The following PATJ variants were observed in gnomAD, a reference collection of about 807,000 sequenced individuals.
PATJ encodes PATJ crumbs cell polarity complex component, also known as inaD-like protein.
PATJ carries 190 observed loss-of-function variants against 224.9 expected under a neutral mutation model. The observed-to-expected ratio is 0.84, with a 90% CI of 0.75 to 0.95. PATJ has a LOEUF of 0.95. PATJ is among the 40% of genes least tolerant of loss of function. PATJ has a pLI of 0.00. For synonymous variants in PATJ, 769 were observed against 820.3 expected (o/e 0.94, Z 1.07); for missense variants, 2,121 against 2,270.3 (o/e 0.93, Z 1.34).
intron 21 of PATJ, among the ~76,000 whole-genome samples, chr1:61,883,078 A>G (rs146328486): frequency 4.1e-4 from 63 of 152,356 alleles, no homozygotes; most frequent in Middle Eastern, 3.4e-3. Flanking sequence ...ATGTTTCAAC[A>G]TATGATCTAT....
At chr1:62,054,294 T>A (rs545220619) in intron 31 of PATJ, 3 of 414,466 alleles carry the variant, frequency 7.2e-6, no homozygotes, top group South Asian at 5.4e-5. Flanking sequence ...ACCTGGGAGG[T>A]TGAGGTGGCA....
intron 33 of PATJ, among the ~76,000 whole-genome samples, chr1:62,104,048 T>C (rs1274449733): frequency 6.6e-6 from 1 of 151,844 alleles, no homozygotes; most frequent in African/African-American, 2.4e-5. Context: ...TTGGAATAGA[T>C]GAGTTTTAGA....
intron 11 of PATJ, among the ~76,000 whole-genome samples, chr1:61,797,907 A>G (rs1391912264): frequency 6.6e-6 from 1 of 150,620 alleles, no homozygotes; most frequent in African/African-American, 2.4e-5. Flanking sequence ...GGTTCAAGTG[A>G]TTCTCGTGCC....
At chr1:62,006,754 A>G (rs942174462) in intron 28 of PATJ, among the ~76,000 whole-genome samples, 5 of 152,194 alleles carry the variant, frequency 3.3e-5, no homozygotes, top group Admixed American at 2.6e-4. Context: ...TCAAAACACA[A>G]TGAAAATCCG....
At position 62,125,236 on chromosome 1, in the gene PATJ, C is replaced by CAAAAAAAAAAAAAAAAA. The variant is rs761278812; in HGVS notation, c.5043+2179_5043+2195dup. ...TGGGTGACAGAGTAAAACCCTGTCT[C>CAAAAAAAAAAAAAAAAA]AAAAAAAAAAAAAAAAACAAAAAAA... is the stretch of plus-strand genomic sequence containing the variant. On this transcript the variant is annotated intron_variant, in intron 39 of 43. Coordinates refer to ENST00000642238, the MANE Select transcript of PATJ (RefSeq NM_001350145.3). 4.7e-4 allele frequency among the ~76,000 whole-genome samples: 13 copies of CAAAAAAAAAAAAAAAAA among 27,742 alleles called. 2 individuals carry two copies. Among genetic ancestry groups the CAAAAAAAAAAAAAAAAA allele is most frequent in the East Asian group, 2.7e-3 (2 of 732 alleles). The allele number at this position is 27,742 out of a possible 152,430, so 18.2% of individuals were successfully genotyped here.
At chr1:61,747,953 C>T (rs575157881) in intron 1 of PATJ, among the ~76,000 whole-genome samples, 7 of 152,298 alleles carry the variant, frequency 4.6e-5, no homozygotes, top group South Asian at 2.1e-4. Flanking sequence ...CACTCTGTTG[C>T]GAAGGCTGGA....
chr1:61,814,268 C>T (rs1341180175), intron 14 of PATJ, among the ~76,000 whole-genome samples: 6 of 151,512 alleles, frequency 4.0e-5, no homozygotes, highest in South Asian at 2.1e-4. Flanking sequence ...CTCAGCCTCC[C>T]GAGTAGCTGG....
intron 33 of PATJ, among the ~76,000 whole-genome samples, chr1:62,093,957 C>A (rs1351334135): frequency 6.6e-6 from 1 of 152,098 alleles, no homozygotes; most frequent in Non-Finnish European, 1.5e-5. Flanking sequence ...AAATGCAAAA[C>A]CTTTTAATAT....
chr1:61,914,561 C>T (rs754279158), intron 25 of PATJ, 26 bp from the exon 26 acceptor site: 1 of 1,140,694 alleles, frequency 8.8e-7, no homozygotes, highest in Non-Finnish European at 1.3e-6. Context: ...GTTTTCTTCC[C>T]CCCACCCCTT....
intron 31 of PATJ, among the ~76,000 whole-genome samples, chr1:62,061,772 G>A (rs1169723533): frequency 6.6e-6 from 1 of 151,952 alleles, no homozygotes; most frequent in African/African-American, 2.4e-5. Context: ...CCATTCTCCT[G>A]CCTCAGCCTC....
At chr1:62,000,248 G>A (rs11578982) in intron 28 of PATJ, among the ~76,000 whole-genome samples, 30,431 of 145,402 alleles carry the variant, frequency 0.21, 3,627 homozygotes, top group African/African-American at 0.31. Context: ...TGCACAATGT[G>A]CAGGTTAGTT....
chr1:61,930,384 A>G (rs1675843965), intron 27 of PATJ, among the ~76,000 whole-genome samples: 1 of 152,198 alleles, frequency 6.6e-6, no homozygotes. Context: ...TGTCTAAACT[A>G]AAAGTATTTC....
intron 29 of PATJ, among the ~76,000 whole-genome samples, chr1:62,029,931 T>C (rs1024909960): frequency 6.6e-6 from 1 of 152,144 alleles, no homozygotes; most frequent in African/African-American, 2.4e-5. Context: ...CAAACATCCA[T>C]AGAGGGAACT....
chr1:61,821,821 A>G (rs1211604437), intron 14 of PATJ, among the ~76,000 whole-genome samples: 2 of 152,188 alleles, frequency 1.3e-5, no homozygotes, highest in Non-Finnish European at 2.9e-5. Context: ...TAAGGCCACA[A>G]TGAGAAATCT....
intron 28 of PATJ, among the ~76,000 whole-genome samples, chr1:62,006,718 T>C (rs570153494): frequency 6.6e-6 from 1 of 151,388 alleles, no homozygotes; most frequent in East Asian, 1.9e-4. Context: ...ACTACAGTAG[T>C]TGAAACCAGT....
At chr1:61,845,210 G>A (rs1305467607) in intron 17 of PATJ, among the ~76,000 whole-genome samples, 3 of 152,132 alleles carry the variant, frequency 2.0e-5, no homozygotes, top group African/African-American at 7.2e-5. Context: ...ACAACCTCCA[G>A]GCTGTAGGTC....
intron 31 of PATJ, among the ~76,000 whole-genome samples, chr1:62,055,077 G>A (rs1570359326): frequency 6.6e-6 from 1 of 152,080 alleles, no homozygotes; most frequent in East Asian, 1.9e-4. Context: ...AAAAATTTAA[G>A]TTTTTTTCTA....
rs1275742353 is a variant in PATJ at position 62,018,088 on chromosome 1, C to A, written c.3959+141C>A. ...TATATTCCTTTTGTAACTGTCACTT[C>A]AAGAAAAGTATTGATTGTTTTGATT... On this transcript the variant is annotated intron_variant, in intron 29 of 43. Transcript: ENST00000642238. This position sits in a 1 kb window ranked among gnomAD's most constrained non-coding sequence, Gnocchi z 4.2. The A allele has an allele frequency of 3.8e-6, 2 of 529,654 alleles. No homozygotes were observed. The highest frequency in any genetic ancestry group is 7.0e-6 in the Non-Finnish European group (2 of 286,564). 32.8% of individuals were successfully genotyped at this position (529,654 alleles called of 1,614,324 possible).
intron 30 of PATJ, among the ~76,000 whole-genome samples, chr1:62,047,534 G>A (rs1339933882): frequency 1.3e-5 from 2 of 152,156 alleles, no homozygotes; most frequent in Non-Finnish European, 2.9e-5. Context: ...ACAGGCGTGA[G>A]CCACCGCACC....
Sources: allele counts gnomAD v4.1 joint callset (sites outside exome capture counted in the v4.1 genomes callset), GRCh38; gene constraint gnomAD v4.1.1; non-coding constraint Gnocchi (gnomAD v3.1); transcripts MANE v1.5; gene names NCBI Gene and HGNC (gene_info 2026-07-23, HGNC 2026-07-21).